Variants in CTTNBP2 observed in about 807,000 individuals in gnomAD.
CTTNBP2 encodes the protein cortactin binding protein 2.
A neutral mutation model predicts 156.9 loss-of-function variants in CTTNBP2; 108 were observed. The observed-to-expected ratio is 0.69, with a 90% CI of 0.59 to 0.81. CTTNBP2 has a LOEUF of 0.81. Among genes scored for constraint, CTTNBP2 ranks in the 30% least tolerant of loss-of-function variants. The pLI is 0.00. For missense variants in CTTNBP2, 1,924 were observed against 2,035.4 expected (o/e 0.95, Z 1.05); for synonymous variants, 767 against 751.8 (o/e 1.02, Z -0.33).
In CTTNBP2 at chr7:117,711,335, C is replaced by G; in HGVS notation, c.*202G>C. On this transcript the variant is annotated 3_prime_UTR_variant, in exon 23 of 23. Transcript: ENST00000160373. ...GGCATAACTTCCTGGTATTGAAGTT[C>G]AATCCTACAGAATTAAAAAAAAAAG... The G allele has an allele frequency of 1.9e-6, 1 of 525,472 alleles. No individual in the cohort carries two copies. Among genetic ancestry groups the G allele is most frequent in the Non-Finnish European group, 3.2e-6 (1 of 309,812 alleles). The allele number at this position is 525,472 out of a possible 1,614,324, so 32.6% of individuals were successfully genotyped here. A position where few individuals can be genotyped will look rare whatever the true frequency, so the allele number is the denominator to read the frequency against.
At chr7:117,773,695 A>ACG (rs1797927496) in intron 8 of CTTNBP2, among the ~76,000 whole-genome samples, 1 of 131,658 alleles carries the variant, frequency 7.6e-6, no homozygotes, top group Non-Finnish European at 1.7e-5. Flanking sequence ...ACACACACAC[A>ACG]CACACACACA....
At chr7:117,727,876 A>G (rs7784537) in intron 17 of CTTNBP2, among the ~76,000 whole-genome samples, 15,636 of 152,180 alleles carry the variant, frequency 0.1, 1,159 homozygotes, top group East Asian at 0.35. Context: ...TTTCTAATAG[A>G]GGAAAAACCT....
chr7:117,808,371 A>G (rs1329017812), intron 3 of CTTNBP2, among the ~76,000 whole-genome samples: 1 of 152,180 alleles, frequency 6.6e-6, no homozygotes, highest in South Asian at 2.1e-4. Flanking sequence ...AAAGTTCCCC[A>G]TGATGATTAC....
At chr7:117,869,231 G>A (rs1347570510) in intron 1 of CTTNBP2, among the ~76,000 whole-genome samples, 1 of 152,110 alleles carries the variant, frequency 6.6e-6, no homozygotes, top group African/African-American at 2.4e-5. Context: ...AAGAATTAGG[G>A]TTATCTTTTT....
intron 1 of CTTNBP2, among the ~76,000 whole-genome samples, chr7:117,869,691 A>T (rs1804445162): frequency 6.6e-6 from 1 of 152,212 alleles, no homozygotes. Flanking sequence ...TGTTCTCTAA[A>T]CAAAATTGCT....
chr7:117,855,178 G>A (rs115059390), intron 2 of CTTNBP2, among the ~76,000 whole-genome samples: 1 of 152,164 alleles, frequency 6.6e-6, no homozygotes, highest in Non-Finnish European at 1.5e-5. Flanking sequence ...TCTATAGAGA[G>A]GATGGGGGTC....
At chr7:117,712,086 C>T (rs1042583769) in intron 22 of CTTNBP2, among the ~76,000 whole-genome samples, 3 of 152,292 alleles carry the variant, frequency 2.0e-5, no homozygotes, top group Admixed American at 6.5e-5. Context: ...GAGGAAATCA[C>T]CAAATTGGAG....
chr7:117,751,411 G>A (rs1365744130), intron 12 of CTTNBP2, among the ~76,000 whole-genome samples: 2 of 152,150 alleles, frequency 1.3e-5, no homozygotes, highest in Non-Finnish European at 2.9e-5. Flanking sequence ...AATAAAATTG[G>A]GACCGTTAAA....
Position 117,780,494 on chromosome 7 carries a change from C to T in CTTNBP2, c.2470G>A (p.Glu824Lys). Residue 824 changes from glutamate to lysine, a missense_variant, in exon 7 of 23, where the codon GAA (glutamate) becomes AAA (lysine). Coordinates refer to ENST00000160373, the MANE Select transcript of CTTNBP2 (RefSeq NM_033427.3). ...LYLACKNGNK[E>K]CIKLLLEAGT... ...GCTTCCAACAAGAGTTTAATACATT[C>T]TTTATTTCCATTTTTACAGGCCAGG... 1.2e-6 allele frequency: 2 copies of T among 1,602,000 alleles called. No individual in the cohort carries two copies. Among genetic ancestry groups the T allele is most frequent in the Non-Finnish European group, 8.5e-7 (1 of 1,175,002 alleles).
intron 2 of CTTNBP2, among the ~76,000 whole-genome samples, chr7:117,843,157 A>C (rs1802375251): frequency 6.6e-6 from 1 of 152,202 alleles, no homozygotes; most frequent in Non-Finnish European, 1.5e-5. Context: ...CACTGACTTA[A>C]ATATTATAGA....
intron 2 of CTTNBP2, among the ~76,000 whole-genome samples, chr7:117,816,155 T>C (rs1168818408): frequency 6.6e-6 from 1 of 152,206 alleles, no homozygotes; most frequent in Admixed American, 6.5e-5. Context: ...GGACTAATTC[T>C]AGAGAAAATG....
In CTTNBP2 at chr7:117,873,271, ACCCCGGCGCCGC is replaced by A. The variant is rs1804754703; in HGVS notation, c.81+52_81+63del. The A allele has an allele frequency of 1.7e-5, 21 of 1,206,286 alleles. 2 individuals are homozygous for A. In the South Asian group the frequency reaches 4.8e-4, roughly 28 times the overall value. 74.7% of individuals were successfully genotyped at this position (1,206,286 alleles called of 1,614,324 possible). A position where few individuals can be genotyped will look rare whatever the true frequency, so the allele number is the denominator to read the frequency against. The stretch of plus-strand genomic sequence containing the variant: ...GGGTGCGAAGTCGGGTCCGGCTGGG[ACCCCGGCGCCGC>A]CCCCGGCCCGCGTCTACACTAGCCC... On this transcript the variant is annotated intron_variant, in intron 1 of 22. Transcript: ENST00000160373.
intron 1 of CTTNBP2, among the ~76,000 whole-genome samples, chr7:117,864,496 T>TA (rs1803978778): frequency 6.6e-6 from 1 of 151,584 alleles, no homozygotes; most frequent in Non-Finnish European, 1.5e-5. Flanking sequence ...AAAACAGGGT[T>TA]AAAAAAAGTA....
chr7:117,854,775 A>T (rs13225352), intron 2 of CTTNBP2, among the ~76,000 whole-genome samples: 44,108 of 151,476 alleles, frequency 0.29, 6,953 homozygotes, highest in South Asian at 0.36. Context: ...TGATTTAATT[A>T]ATTAATTAAT....
intron 11 of CTTNBP2, among the ~76,000 whole-genome samples, chr7:117,757,144 C>G (rs1796928351): frequency 6.6e-6 from 1 of 152,160 alleles, no homozygotes; most frequent in African/African-American, 2.4e-5. Flanking sequence ...TGGCCTCACA[C>G]TTTTCTTTAA....
chr7:117,764,927 G>GT (rs985451045), intron 9 of CTTNBP2, among the ~76,000 whole-genome samples: 4 of 151,694 alleles, frequency 2.6e-5, no homozygotes, highest in South Asian at 2.1e-4. Context: ...TGTTCTTCAG[G>GT]TTTTTTTTGT....
At chr7:117,759,821 C>A (rs1458477539) in intron 10 of CTTNBP2, among the ~76,000 whole-genome samples, 6 of 152,190 alleles carry the variant, frequency 3.9e-5, no homozygotes, top group Non-Finnish European at 8.8e-5. Flanking sequence ...AGGTAGTTCT[C>A]CTGGACCAAG....
intron 2 of CTTNBP2, among the ~76,000 whole-genome samples, chr7:117,815,358 T>A (rs1548953): frequency 0.57 from 86,113 of 151,902 alleles, 24,540 homozygotes; most frequent in East Asian, 0.71. Flanking sequence ...ATGACAAATC[T>A]CCCACTAATA....
At chr7:117,757,528 TAAAA>T (rs56687697) in intron 11 of CTTNBP2, among the ~76,000 whole-genome samples, 6 of 91,436 alleles carry the variant, frequency 6.6e-5, no homozygotes, top group South Asian at 3.9e-4. Flanking sequence ...TTAAGCACAG[TAAAA>T]AAAAAAAAAA....
Sources: allele counts gnomAD v4.1 joint callset (sites outside exome capture counted in the v4.1 genomes callset), GRCh38; gene constraint gnomAD v4.1.1; transcripts MANE v1.5; gene names NCBI Gene and HGNC (gene_info 2026-07-23, HGNC 2026-07-21).